Variants in ITGBL1 observed in about 807,000 individuals in gnomAD.
ITGBL1 encodes the protein integrin subunit beta like 1.
Under a neutral mutation model 68.5 loss-of-function variants are expected in ITGBL1, and 51 were observed. The ratio of observed to expected loss-of-function variants is 0.74; its 90% CI spans 0.59 to 0.94. ITGBL1 has a LOEUF of 0.94. Among genes scored for constraint, ITGBL1 ranks in the 40% least tolerant of loss-of-function variants. The pLI is 0.00. For missense variants in ITGBL1, 649 were observed against 647.4 expected (o/e 1.00, Z -0.03); for synonymous variants, 209 against 227.3 (o/e 0.92, Z 0.72).
Position 101,452,920 on chromosome 13 carries a change from G to T in ITGBL1, c.87G>T (p.Ser29=), listed in dbSNP as rs927705571. 1.9e-6 allele frequency: 3 copies of T among 1,613,930 alleles called. No individual in the cohort carries two copies. The highest frequency in any genetic ancestry group is 2.5e-6 in the Non-Finnish European group (3 of 1,179,836). The change falls in exon 1 of 11, where the codon TCG becomes TCT. Residue 29 remains serine, a synonymous_variant. Transcript: ENST00000376180. ...TGTCAGCTGTTCCTCAAAGCTTCTC[G>T]CCATCTCTGAGGTAAGTTTGGTTTG... ...AGLSAVPQSF[S]PSLRSWPGAA... is the part of the protein sequence containing the mutation.
At chr13:101,697,319 A>C (rs535049933) in intron 8 of ITGBL1, among the ~76,000 whole-genome samples, 1 of 152,282 alleles carries the variant, frequency 6.6e-6, no homozygotes, top group South Asian at 2.1e-4. Context: ...TGATGACACT[A>C]TGTTGTATTT....
chr13:101,464,634 T>C (rs1316310824), intron 2 of ITGBL1, among the ~76,000 whole-genome samples: 1 of 152,150 alleles, frequency 6.6e-6, no homozygotes, highest in African/African-American at 2.4e-5. Context: ...ATTTGGTATA[T>C]GTATATATTT....
At chr13:101,698,382 AT>A (rs2034051166) in intron 8 of ITGBL1, among the ~76,000 whole-genome samples, 2 of 152,240 alleles carry the variant, frequency 1.3e-5, no homozygotes, top group Non-Finnish European at 2.9e-5. Flanking sequence ...GATTAAACCA[AT>A]TCTGATAGGT....
In ITGBL1 at chr13:101,598,270, G is replaced by A; in HGVS notation, c.986G>A (p.Gly329Glu). 8 of 1,613,216 alleles carry A rather than the reference G, an allele frequency of 5.0e-6. No homozygotes were observed. Among genetic ancestry groups the A allele is most frequent in the Non-Finnish European group, 5.9e-6 (7 of 1,179,676 alleles). Residue 329 changes from glycine to glutamate, a missense_variant, in exon 7 of 11, where the codon GGA becomes GAA. Physicochemically the swap from Gly to Glu is moderately conservative, Grantham distance 98. Coordinates refer to ENST00000376180, the MANE Select transcript of ITGBL1 (RefSeq NM_004791.3). ...SAEESIRKCQ[G>E]SSDLPCSGRG... ...GAGGAGAGCATCAGGAAGTGCCAGGGAAGCTCGGATCTGCCTTGCTCTGGG... is the reference window on the plus strand; with the variant it reads ...GAGGAGAGCATCAGGAAGTGCCAGGAAAGCTCGGATCTGCCTTGCTCTGGG...
Position 101,470,335 on chromosome 13 carries a change from AT to A in ITGBL1, c.316+16247del, listed in dbSNP as rs955975242. Among the ~76,000 whole-genome samples, 119 of 146,060 alleles carry A rather than the reference AT, an allele frequency of 8.1e-4. 1 individual carries two copies. The highest frequency in any genetic ancestry group is 1.1e-3 in the South Asian group (5 of 4,614). Reference sequence around the variant, plus strand: ...ATTTTATTCCTTTTTTAATTAATTTATTTTTTTTTTTTGAGATGGAGTCTCG... The same window carrying A: ...ATTTTATTCCTTTTTTAATTAATTTATTTTTTTTTTTGAGATGGAGTCTCG... On this transcript the variant is annotated intron_variant, in intron 2 of 10. Transcript: ENST00000376180.
At chr13:101,647,299 T>C (rs2032590267) in intron 7 of ITGBL1, among the ~76,000 whole-genome samples, 1 of 152,214 alleles carries the variant, frequency 6.6e-6, no homozygotes, top group South Asian at 2.1e-4. Flanking sequence ...ATTTTTCATT[T>C]TCAAAACCAT....
Position 101,476,026 on chromosome 13 carries a change from TAGTA to T in ITGBL1, c.316+21932_316+21935del, listed in dbSNP as rs748898548. Among the ~76,000 whole-genome samples the T allele has an allele frequency of 3.3e-5, 5 of 152,104 alleles. No individual in the cohort carries two copies. The South Asian group carries it at 6.2e-4, about 19-fold the overall frequency. ...CTGAAGGTACAAAACTCTCTGGTAA[TAGTA>T]AGTAAACAGACAAATACAGAATATT... On this transcript the variant is annotated intron_variant, in intron 2 of 10. Coordinates refer to ENST00000376180, the MANE Select transcript of ITGBL1 (RefSeq NM_004791.3).
At chr13:101,579,251 T>G (rs775771431) in intron 4 of ITGBL1, 36 bp from the exon 5 acceptor site, 1 of 1,599,512 alleles carries the variant, frequency 6.3e-7, no homozygotes, top group East Asian at 2.2e-5. Flanking sequence ...GAAAGTTGCT[T>G]TTTTCCTCAC....
intron 7 of ITGBL1, among the ~76,000 whole-genome samples, chr13:101,611,710 A>G (rs1468428739): frequency 6.6e-6 from 1 of 152,020 alleles, no homozygotes; most frequent in East Asian, 1.9e-4. Flanking sequence ...CTTCTCGGTG[A>G]CCTTGAACTT....
chr13:101,456,880 A>G (rs1176392615), intron 2 of ITGBL1, among the ~76,000 whole-genome samples: 1 of 152,098 alleles, frequency 6.6e-6, no homozygotes, highest in Admixed American at 6.5e-5. Context: ...ATGCCGTTGC[A>G]CTCTAGCCTA....
rs769977526 is a variant in ITGBL1, at chr13:101,579,379, A to C, written c.679A>C (p.Ser227Arg). 1 of 1,613,832 alleles carries C rather than the reference A, an allele frequency of 6.2e-7. No individual in the cohort carries two copies. ...EFQCDITPWE[S>R]KRRCTSPDGK... ...CCAGTGCGATATCACCCCCTGGGAA[A>C]GCAAGCGAAGATGCACGTCTCCAGA... The change falls in exon 5 of 11, where the codon AGC (serine) becomes CGC (arginine). Residue 227 changes from serine (S) to arginine (R), a missense_variant. Transcript: ENST00000376180.
chr13:101,688,882 C>CGT (rs2033815627), intron 7 of ITGBL1, among the ~76,000 whole-genome samples: 1 of 152,108 alleles, frequency 6.6e-6, no homozygotes, highest in South Asian at 2.1e-4. Context: ...GTTTAATGCA[C>CGT]GTGTTCAATA....
chr13:101,512,819 T>C (rs1384220695), intron 2 of ITGBL1, among the ~76,000 whole-genome samples: 1 of 152,190 alleles, frequency 6.6e-6, no homozygotes, highest in Non-Finnish European at 1.5e-5. Context: ...CCTCATTCTT[T>C]GAAGCTGGGA....
intron 7 of ITGBL1, among the ~76,000 whole-genome samples, chr13:101,673,899 A>G (rs1025282137): frequency 6.6e-6 from 1 of 152,194 alleles, no homozygotes; most frequent in Non-Finnish European, 1.5e-5. Context: ...TCCCTCTGAC[A>G]TGGGATCAGA....
chr13:101,539,874 A>C (rs1290016016), intron 2 of ITGBL1, among the ~76,000 whole-genome samples: 4 of 151,880 alleles, frequency 2.6e-5, no homozygotes, highest in Admixed American at 6.6e-5. Context: ...CTGTTCATAT[A>C]CTTCACCCAC....
chr13:101,711,467 G>T (rs750861242), intron 9 of ITGBL1: 1 of 152,244 alleles, frequency 6.6e-6, no homozygotes, highest in Admixed American at 6.5e-5. Flanking sequence ...AAGTTGCCTC[G>T]CTCAATATGC....
chr13:101,580,167 G>T (rs907387733), intron 5 of ITGBL1, among the ~76,000 whole-genome samples: 1 of 151,932 alleles, frequency 6.6e-6, no homozygotes, highest in African/African-American at 2.4e-5. Context: ...ATTAAAAAGT[G>T]ATTATACTTC....
intron 7 of ITGBL1, among the ~76,000 whole-genome samples, chr13:101,664,046 A>G (rs1027325356): frequency 2.0e-5 from 3 of 152,210 alleles, no homozygotes; most frequent in Non-Finnish European, 4.4e-5. Flanking sequence ...TAATCATTAT[A>G]TGAAAAATTA....
chr13:101,641,958 G>A (rs373081907), intron 7 of ITGBL1, among the ~76,000 whole-genome samples: 10 of 151,786 alleles, frequency 6.6e-5, no homozygotes, highest in African/African-American at 2.2e-4. Flanking sequence ...AATCCAGTCT[G>A]TCATTGTTGG....
Sources: gnomAD v4.1 joint callset for allele counts (sites outside exome capture counted in the v4.1 genomes callset) on GRCh38, gnomAD v4.1.1 for gene constraint, MANE v1.5 for transcripts, NCBI Gene and HGNC (gene_info 2026-07-23, HGNC 2026-07-21) for gene names.